Variants in PDE1A observed in about 807,000 individuals in gnomAD.
PDE1A encodes the protein phosphodiesterase 1A, also known as dual specificity calcium/calmodulin-dependent 3',5'-cyclic nucleotide phosphodiesterase 1A.
In PDE1A, 35 loss-of-function variants were observed where a neutral mutation model predicts 61.7. The observed-to-expected ratio is 0.57, with a 90% confidence interval of 0.43 to 0.75. The LOEUF (loss-of-function observed/expected upper bound fraction) is 0.75, where lower values mean the gene tolerates loss of function less well. Among genes scored for constraint, PDE1A ranks in the 30% least tolerant of loss-of-function variants. PDE1A has a pLI of 0.00. For synonymous variants in PDE1A, 232 were observed against 213.2 expected (o/e 1.09, Z -0.77); for missense variants, 597 against 630.6 (o/e 0.95, Z 0.57).
intron 2 of PDE1A, among the ~76,000 whole-genome samples, chr2:182,448,901 A>C (rs1009579091): frequency 5.3e-5 from 8 of 152,070 alleles, no homozygotes; most frequent in African/African-American, 9.7e-5. Context: ...AACTGAGACC[A>C]CAAGACATAC....
Position 182,213,116 on chromosome 2 carries a change from C to T in PDE1A, c.777-7051G>A, listed in dbSNP as rs1280884237. Among the ~76,000 whole-genome samples the T allele has an allele frequency of 1.9e-4, 28 of 149,952 alleles. 1 individual carries two copies. Among genetic ancestry groups the T allele is most frequent in the Non-Finnish European group, 2.8e-4 (19 of 67,384 alleles). On this transcript the variant is annotated intron_variant, in intron 7 of 13. Transcript: ENST00000351439. ...TCAAGTGGGTCCCTGACCCCTGACC[C>T]CCGAGCAGCCTAACTGGGAGGCACC...
intron 13 of PDE1A, among the ~76,000 whole-genome samples, chr2:182,184,648 C>A (rs1387597674): frequency 6.6e-6 from 1 of 152,038 alleles, no homozygotes; most frequent in Non-Finnish European, 1.5e-5. Flanking sequence ...TGAAGAATAT[C>A]ATAAGGGTAA....
chr2:182,224,025 T>C (rs920758727), intron 6 of PDE1A, 61 bp from the exon 7 acceptor site: 1 of 1,110,700 alleles, frequency 9.0e-7, no homozygotes, highest in Non-Finnish European at 1.3e-6. Context: ...TTCCTTTCTT[T>C]GAAAAGGACT....
chr2:182,269,593 A>T (rs1692875518), intron 1 of PDE1A, among the ~76,000 whole-genome samples: 4 of 152,110 alleles, frequency 2.6e-5, no homozygotes. Flanking sequence ...ATACTTCTGA[A>T]CTCATTCTAG....
intron 1 of PDE1A, among the ~76,000 whole-genome samples, chr2:182,359,504 T>C (rs1699380347): frequency 6.6e-6 from 1 of 152,162 alleles, no homozygotes; most frequent in Non-Finnish European, 1.5e-5. Flanking sequence ...AATCAGTTTC[T>C]GGGTCTAAGA....
intron 2 of PDE1A, among the ~76,000 whole-genome samples, chr2:182,434,283 A>C (rs922622688): frequency 6.6e-6 from 1 of 152,072 alleles, no homozygotes; most frequent in Non-Finnish European, 1.5e-5. Flanking sequence ...TTCGTGTTTC[A>C]TATTTGCCAT....
chr2:182,454,390 C>A (rs964256309), intron 2 of PDE1A, among the ~76,000 whole-genome samples: 5 of 152,180 alleles, frequency 3.3e-5, no homozygotes, highest in African/African-American at 7.2e-5. Context: ...GCTACCAATG[C>A]CTTTCTTCAC....
the PDE1A span, among the ~76,000 whole-genome samples, chr2:182,570,329 C>CT: frequency 9.0e-4 from 137 of 152,270 alleles, no homozygotes; most frequent in Middle Eastern, 3.4e-3. Flanking sequence ...ATATTTGACT[C>CT]TAAGACACAT....
the PDE1A span, among the ~76,000 whole-genome samples, chr2:182,585,154 C>T: frequency 6.6e-6 from 1 of 152,008 alleles, no homozygotes; most frequent in African/African-American, 2.4e-5. Context: ...CATGTATATC[C>T]CATTTAGTCT....
chr2:182,501,160 G>A (rs1248684593), intron 2 of PDE1A, among the ~76,000 whole-genome samples: 1 of 152,118 alleles, frequency 6.6e-6, no homozygotes, highest in Admixed American at 6.5e-5. Context: ...GTGAATAGAG[G>A]CACAACGACC....
intron 2 of PDE1A, among the ~76,000 whole-genome samples, chr2:182,503,596 C>T (rs960473015): frequency 3.3e-5 from 5 of 152,056 alleles, no homozygotes; most frequent in East Asian, 1.9e-4. Flanking sequence ...TGCTTCCCTC[C>T]GCACACCAAG....
intron 1 of PDE1A, among the ~76,000 whole-genome samples, chr2:182,418,403 T>C (rs2125564910): frequency 6.6e-6 from 1 of 152,298 alleles, no homozygotes; most frequent in African/African-American, 2.4e-5. Context: ...ATCTCAGGCA[T>C]GCTATAACCC....
At chr2:182,635,974 G>C in the PDE1A span, among the ~76,000 whole-genome samples, 4 of 30,182 alleles carry the variant, frequency 1.3e-4, no homozygotes, top group African/African-American at 1.9e-4. Context: ...TTTTTTTTTT[G>C]AGACAGAGTC....
intron 2 of PDE1A, among the ~76,000 whole-genome samples, chr2:182,508,971 C>T (rs1689610979): frequency 6.7e-6 from 1 of 148,236 alleles, no homozygotes; most frequent in Non-Finnish European, 1.5e-5. Flanking sequence ...TACCCCCAGC[C>T]CACAACAGTC....
At chr2:182,537,076 T>G in the PDE1A span, among the ~76,000 whole-genome samples, 2 of 152,212 alleles carry the variant, frequency 1.3e-5, no homozygotes, top group African/African-American at 4.8e-5. Context: ...GTTGAACCAT[T>G]TTCAAATTCC....
intron 13 of PDE1A, among the ~76,000 whole-genome samples, chr2:182,171,723 CCAGT>C (rs1292947516): frequency 1.3e-5 from 2 of 151,056 alleles, no homozygotes; most frequent in Non-Finnish European, 3.0e-5. Flanking sequence ...ACACATGAAC[CCAGT>C]CAAATTCTGG....
At chr2:182,478,762 A>G (rs1217529645) in intron 2 of PDE1A, among the ~76,000 whole-genome samples, 4 of 151,866 alleles carry the variant, frequency 2.6e-5, no homozygotes, top group Admixed American at 2.6e-4. Context: ...ATTTTTCTAT[A>G]TAACTTTTCA....
At chr2:182,245,770 C>A (rs1158166938) in intron 2 of PDE1A, among the ~76,000 whole-genome samples, 2 of 152,156 alleles carry the variant, frequency 1.3e-5, no homozygotes, top group African/African-American at 2.4e-5. Flanking sequence ...ATCTTGATTG[C>A]TCCAAGGTTT....
intron 1 of PDE1A, among the ~76,000 whole-genome samples, chr2:182,402,416 C>A (rs562340780): frequency 1.3e-5 from 2 of 152,120 alleles, no homozygotes; most frequent in Non-Finnish European, 1.5e-5. Flanking sequence ...CAAAAACAAG[C>A]AATGGGGAAA....
Sources: allele counts gnomAD v4.1 joint callset (sites outside exome capture counted in the v4.1 genomes callset), GRCh38; gene constraint gnomAD v4.1.1; transcripts MANE v1.5; gene names NCBI Gene and HGNC (gene_info 2026-07-23, HGNC 2026-07-21).